Variants in ATP9A observed in about 807,000 individuals in gnomAD.
ATP9A encodes the protein probable phospholipid-transporting ATPase IIA.
In ATP9A, 52 loss-of-function variants were observed where a neutral mutation model predicts 144.1. The ratio of observed to expected loss-of-function variants is 0.36; its 90% CI spans 0.29 to 0.45. The LOEUF is 0.45. Ranked by LOEUF, ATP9A falls within the 20% of genes least tolerant of loss-of-function variation. The pLI is 1.00. For synonymous variants in ATP9A, 582 were observed against 557.4 expected (o/e 1.04, Z -0.62); for missense variants, 947 against 1,392.7 (o/e 0.68, Z 5.09).
chr20:51,617,507 C>A lies in ATP9A; in HGVS notation c.2398G>T (p.Val800Leu), dbSNP rs752878306. 1 of 1,611,736 alleles carries A rather than the reference C, an allele frequency of 6.2e-7. No homozygotes were observed. Among genetic ancestry groups the A allele is most frequent in the Non-Finnish European group, 8.5e-7 (1 of 1,178,984 alleles). The change falls in exon 22 of 28, where the codon GTG becomes TTG. Residue 800 changes from valine (V) to leucine (L), a missense_variant. This residue lies in a region of ATP9A where 177 missense variants were observed against 344.9 expected (regional missense o/e 0.51). Coordinates refer to ENST00000338821, the MANE Select transcript of ATP9A (RefSeq NM_006045.3). The part of the protein sequence containing the change: ...VSMIQESDCG[V>L]GVEGKEGKQA... ...ACTCTCACCTTTCCTTCCACTCCCA[C>A]GCCGCAGTCAGATTCCTGAATCATG...
At chr20:51,744,171 T>C (rs948993359) in intron 1 of ATP9A, among the ~76,000 whole-genome samples, 1 of 151,974 alleles carries the variant, frequency 6.6e-6, no homozygotes, top group African/African-American at 2.4e-5. Flanking sequence ...TTATTTTTTG[T>C]TTGTTTGTTT....
intron 4 of ATP9A, among the ~76,000 whole-genome samples, chr20:51,701,252 G>A (rs1262872584): frequency 6.6e-6 from 1 of 152,150 alleles, no homozygotes; most frequent in Non-Finnish European, 1.5e-5. Flanking sequence ...AATTGCCTAT[G>A]TATATGTGTG....
intron 3 of ATP9A, among the ~76,000 whole-genome samples, chr20:51,720,588 C>CT (rs1383429808): frequency 6.6e-6 from 1 of 152,186 alleles, no homozygotes; most frequent in African/African-American, 2.4e-5. Flanking sequence ...GTCATCCCAG[C>CT]TTTGGGAGGT....
At chr20:51,694,681 C>T (rs2122824581) in intron 6 of ATP9A, among the ~76,000 whole-genome samples, 1 of 152,270 alleles carries the variant, frequency 6.6e-6, no homozygotes, top group East Asian at 1.9e-4. Context: ...CTGATCGATC[C>T]AGGCAAGCAC....
intron 12 of ATP9A, 97 bp from the exon 13 acceptor site, chr20:51,670,206 T>C (rs1211224607): frequency 2.2e-6 from 2 of 890,128 alleles, no homozygotes; most frequent in African/African-American, 1.6e-5. Context: ...GTTTGCCCTA[T>C]GTCACACACT....
intron 4 of ATP9A, 128 bp downstream of exon 4, chr20:51,712,838 T>C: frequency 1.3e-6 from 1 of 794,354 alleles, no homozygotes; most frequent in Non-Finnish European, 2.1e-6. Context: ...GGTGCTGGAG[T>C]AACCAAGCGA....
intron 15 of ATP9A, 73 bp from the exon 16 acceptor site, chr20:51,629,145 TGACA>T: frequency 2.4e-6 from 3 of 1,236,164 alleles, no homozygotes; most frequent in Admixed American, 1.7e-5. Flanking sequence ...CCGCTTCCCA[TGACA>T]GACAGTGTAC....
intron 26 of ATP9A, among the ~76,000 whole-genome samples, chr20:51,605,980 T>C (rs1395206793): frequency 1.3e-5 from 2 of 150,280 alleles, no homozygotes; most frequent in African/African-American, 4.9e-5. Context: ...AAAAAAATAA[T>C]AAACCCCAGC....
At chr20:51,622,806 G>A (rs1441873234) in intron 18 of ATP9A, among the ~76,000 whole-genome samples, 1 of 152,158 alleles carries the variant, frequency 6.6e-6, no homozygotes, top group African/African-American at 2.4e-5. Context: ...TGTGCTTCCT[G>A]CTCTGTGATT....
intron 1 of ATP9A, among the ~76,000 whole-genome samples, chr20:51,754,950 A>T (rs1159677128): frequency 6.6e-6 from 1 of 151,414 alleles, no homozygotes; most frequent in Non-Finnish European, 1.5e-5. Context: ...TCCCTACTAA[A>T]AAAAAAAAAA....
chr20:51,674,602 A>C (rs2077469542), intron 10 of ATP9A, among the ~76,000 whole-genome samples: 1 of 152,164 alleles, frequency 6.6e-6, no homozygotes, highest in African/African-American at 2.4e-5. Context: ...CAACTAAAGA[A>C]GATTTACACT....
intron 13 of ATP9A, among the ~76,000 whole-genome samples, chr20:51,667,800 C>A (rs1364439582): frequency 6.6e-6 from 1 of 151,722 alleles, no homozygotes; most frequent in Admixed American, 6.6e-5. Flanking sequence ...GCCTGTAATC[C>A]CAACACTTTG....
chr20:51,704,226 T>A (rs936902879), intron 4 of ATP9A, among the ~76,000 whole-genome samples: 26 of 150,512 alleles, frequency 1.7e-4, no homozygotes, highest in African/African-American at 6.4e-4. Context: ...GTAACAAGTT[T>A]ATACCCAACA....
In ATP9A at chr20:51,639,354, T is replaced by C; in HGVS notation, c.1657A>G (p.Ile553Val). Residue 553 changes from isoleucine to valine, a missense_variant, in exon 15 of 28, where the codon ATC (isoleucine) becomes GTC (valine). Ile to Val is a conservative substitution (Grantham distance 29). Around this residue, in one of 2 missense-constraint regions of ATP9A, gnomAD observed 770 missense variants for 1,047.9 expected, o/e 0.73. Transcript: ENST00000338821. The part of the protein sequence containing the change: ...PFTYESKRMG[I>V]IVRDESTGEI... Reference sequence around the variant, plus strand: ...TAAAAACGACTCACCCGCACGATGATGCCCATACGTTTGCTTTCATAGGTG... The same window carrying C: ...TAAAAACGACTCACCCGCACGATGACGCCCATACGTTTGCTTTCATAGGTG... 6.2e-7 allele frequency: 1 copy of C among 1,613,080 alleles called. No individual in the cohort carries two copies. Among genetic ancestry groups the C allele is most frequent in the Non-Finnish European group, 8.5e-7 (1 of 1,179,638 alleles).
intron 10 of ATP9A, among the ~76,000 whole-genome samples, chr20:51,675,013 T>C (rs1271671985): frequency 6.6e-6 from 1 of 152,156 alleles, no homozygotes; most frequent in African/African-American, 2.4e-5. Context: ...AGTTTCGCCA[T>C]GTTGGCCAGG....
At chr20:51,750,724 T>A (rs568022777) in intron 1 of ATP9A, among the ~76,000 whole-genome samples, 1 of 152,284 alleles carries the variant, frequency 6.6e-6, no homozygotes, top group Admixed American at 6.5e-5. Flanking sequence ...AGCCAGGATG[T>A]GAGTCCAGCA....
At chr20:51,659,842 G>A (rs541351921) in intron 13 of ATP9A, among the ~76,000 whole-genome samples, 7 of 152,268 alleles carry the variant, frequency 4.6e-5, no homozygotes, top group African/African-American at 1.4e-4. Context: ...TGGTCACTGC[G>A]GGGACACAGC....
chr20:51,647,392 T>C (rs36066754), intron 14 of ATP9A, among the ~76,000 whole-genome samples: 4,682 of 151,132 alleles, frequency 0.031, 102 homozygotes, highest in East Asian at 0.043. Flanking sequence ...CTACTAAAAA[T>C]ACAAAAAAAT....
intron 4 of ATP9A, among the ~76,000 whole-genome samples, chr20:51,707,153 C>T (rs2077617894): frequency 6.6e-6 from 1 of 152,186 alleles, no homozygotes; most frequent in Admixed American, 6.5e-5. Context: ...GCCTGAGTTC[C>T]ATGTTCAGGT....
Sources: allele counts gnomAD v4.1 joint callset (sites outside exome capture counted in the v4.1 genomes callset), GRCh38; gene constraint gnomAD v4.1.1; regional missense constraint gnomAD v4.1.1; transcripts MANE v1.5; gene names NCBI Gene and HGNC (gene_info 2026-07-23, HGNC 2026-07-21).